Variants in VAV3 observed in about 807,000 individuals in gnomAD.
VAV3 encodes guanine nucleotide exchange factor VAV3.
A neutral mutation model predicts 131.2 loss-of-function variants in VAV3; 94 were observed. The ratio of observed to expected loss-of-function variants is 0.72; its 90% confidence interval spans 0.61 to 0.85. VAV3 has a LOEUF of 0.85. Among genes scored for constraint, VAV3 ranks in the 40% least tolerant of loss-of-function variants. The pLI is 0.00. For missense variants in VAV3, 939 were observed against 1,002.7 expected, an observed-to-expected ratio of 0.94 and a Z score of 0.86; for synonymous variants, 349 against 342.0, an observed-to-expected ratio of 1.02 and a Z score of -0.22.
rs1368340839 is a variant in VAV3 at position 107,635,771 on chromosome 1, G to GC, written c.1914+6847dup. Among the ~76,000 whole-genome samples, 4 of 152,110 alleles carry GC rather than the reference G, an allele frequency of 2.6e-5. No homozygotes were observed. The East Asian group carries it at 7.7e-4, about 29-fold the overall frequency. On this transcript the variant is annotated intron_variant, in intron 20 of 26. Coordinates refer to ENST00000370056, the MANE Select transcript of VAV3 (RefSeq NM_006113.5). ...AAGGTGCATGAAGTTTAGGAAGGCA[G>GC]CATGAGCTTCATCATAAATAACATG...
chr1:107,845,004 T>A (rs1293677855), intron 2 of VAV3, among the ~76,000 whole-genome samples: 1 of 152,184 alleles, frequency 6.6e-6, no homozygotes, highest in Non-Finnish European at 1.5e-5. Context: ...CTGTGCCTCC[T>A]GAGTGGGAGA....
chr1:107,826,979 TA>T (rs1668045224), intron 2 of VAV3, among the ~76,000 whole-genome samples: 1 of 152,316 alleles, frequency 6.6e-6, no homozygotes, highest in African/African-American at 2.4e-5. Flanking sequence ...ATTTGCTGTA[TA>T]AATCTTATAA....
At chr1:107,718,940 A>G (rs1180810074) in intron 15 of VAV3, among the ~76,000 whole-genome samples, 4 of 152,242 alleles carry the variant, frequency 2.6e-5, no homozygotes, top group Admixed American at 2.6e-4. Flanking sequence ...AAACCTGACA[A>G]AAACAAGAAA....
chr1:107,642,347 G>C (rs941095332), intron 20 of VAV3, among the ~76,000 whole-genome samples: 1 of 152,108 alleles, frequency 6.6e-6, no homozygotes, highest in Non-Finnish European at 1.5e-5. Flanking sequence ...CCATGGCAAC[G>C]TCAGGAAGTT....
At chr1:107,668,302 T>C (rs1466555426) in intron 19 of VAV3, among the ~76,000 whole-genome samples, 1 of 152,220 alleles carries the variant, frequency 6.6e-6, no homozygotes, top group African/African-American at 2.4e-5. Context: ...CATACAATGC[T>C]TCTTCTAGTT....
intron 2 of VAV3, among the ~76,000 whole-genome samples, chr1:107,821,608 C>T (rs913558343): frequency 1.3e-5 from 2 of 152,162 alleles, no homozygotes; most frequent in African/African-American, 4.8e-5. Context: ...AGACAGCTGA[C>T]ACGTCCACAG....
intron 1 of VAV3, among the ~76,000 whole-genome samples, chr1:107,960,005 G>C (rs1054406715): frequency 6.6e-6 from 1 of 151,990 alleles, no homozygotes; most frequent in African/African-American, 2.4e-5. Flanking sequence ...ACCCCTGCTG[G>C]CTCCATCTTC....
Position 107,710,288 on chromosome 1 carries a change from A to G in VAV3, c.1503-5227T>C, listed in dbSNP as rs61671261. ...AGTATGGACATTGTGGCAATTATGT[A>G]GTATACATAAAATGGTTTATTTCAT... On this transcript the variant is annotated intron_variant, in intron 15 of 26. Coordinates refer to ENST00000370056, the MANE Select transcript of VAV3 (RefSeq NM_006113.5). Among the ~76,000 whole-genome samples, 820 of 152,314 alleles carry G rather than the reference A, an allele frequency of 5.4e-3. 10 individuals are homozygous for G. Among genetic ancestry groups the G allele is most frequent in the African/African-American group, 0.017 (718 of 41,586 alleles).
chr1:107,622,180 A>G (rs1295648000), intron 20 of VAV3, among the ~76,000 whole-genome samples: 2 of 152,208 alleles, frequency 1.3e-5, no homozygotes, highest in Non-Finnish European at 2.9e-5. Context: ...CATCACAAAC[A>G]TAAATGCATA....
At chr1:107,582,555 C>A (rs1650139195) in intron 25 of VAV3, among the ~76,000 whole-genome samples, 1 of 119,732 alleles carries the variant, frequency 8.4e-6, no homozygotes, top group African/African-American at 3.2e-5. Context: ...AATGCTATCC[C>A]TCCCCCCTCC....
intron 18 of VAV3, among the ~76,000 whole-genome samples, chr1:107,684,506 G>A (rs527648704): frequency 6.6e-6 from 1 of 152,316 alleles, no homozygotes; most frequent in African/African-American, 2.4e-5. Context: ...AAGTTAAATG[G>A]ATGAAATGAG....
chr1:107,706,356 A>G (rs1660452288), intron 15 of VAV3, among the ~76,000 whole-genome samples: 1 of 152,202 alleles, frequency 6.6e-6, no homozygotes, highest in African/African-American at 2.4e-5. Flanking sequence ...CAATTGGAGT[A>G]GCAGGCAGTG....
At chr1:107,753,533 T>C (rs1219080964) in intron 12 of VAV3, among the ~76,000 whole-genome samples, 3 of 90,684 alleles carry the variant, frequency 3.3e-5, no homozygotes, top group Admixed American at 1.1e-4. Flanking sequence ...TATACGTATA[T>C]ATATATATAT....
intron 1 of VAV3, among the ~76,000 whole-genome samples, chr1:107,901,780 C>T (rs1488366624): frequency 4.6e-5 from 7 of 152,126 alleles, no homozygotes; most frequent in African/African-American, 4.8e-5. Context: ...GGGTGGTTCA[C>T]GCCTGTAATC....
At chr1:107,785,544 C>T (rs1223439760) in intron 2 of VAV3, 2 of 1,264,046 alleles carry the variant, frequency 1.6e-6, no homozygotes, top group Non-Finnish European at 2.0e-6. Flanking sequence ...AGAAGGGGTC[C>T]ACGGCATCAC....
At chr1:107,826,558 A>C (rs945974701) in intron 2 of VAV3, among the ~76,000 whole-genome samples, 1 of 152,190 alleles carries the variant, frequency 6.6e-6, no homozygotes, top group African/African-American at 2.4e-5. Flanking sequence ...ATGAGGTCAT[A>C]CTTTCATTAC....
intron 2 of VAV3, among the ~76,000 whole-genome samples, chr1:107,857,028 G>A (rs1669505164): frequency 6.7e-6 from 1 of 149,924 alleles, no homozygotes; most frequent in Admixed American, 6.7e-5. Flanking sequence ...GACATGGTGT[G>A]ATGGTTAATA....
At chr1:107,873,050 CA>C (rs1284647487) in intron 2 of VAV3, among the ~76,000 whole-genome samples, 1 of 152,128 alleles carries the variant, frequency 6.6e-6, no homozygotes, top group Non-Finnish European at 1.5e-5. Flanking sequence ...TTGGCAGTAG[CA>C]AAATGTAAGT....
intron 19 of VAV3, among the ~76,000 whole-genome samples, chr1:107,660,210 T>C (rs1656907374): frequency 6.6e-6 from 1 of 152,176 alleles, no homozygotes; most frequent in African/African-American, 2.4e-5. Flanking sequence ...GAAAGGGAGA[T>C]TCCTTTCTTT....
Sources: allele counts gnomAD v4.1 joint callset (sites outside exome capture counted in the v4.1 genomes callset), GRCh38; gene constraint gnomAD v4.1.1; transcripts MANE v1.5; gene names NCBI Gene and HGNC (gene_info 2026-07-23, HGNC 2026-07-21).